The following SYNPO variants were observed in gnomAD, a reference collection of about 807,000 sequenced individuals.
SYNPO encodes the protein synaptopodin.
SYNPO carries 19 observed loss-of-function variants against 49.5 expected under a neutral mutation model. The ratio of observed to expected loss-of-function variants is 0.38; its 90% confidence interval spans 0.27 to 0.56. SYNPO has a LOEUF of 0.56. Among genes scored for constraint, SYNPO ranks in the 20% least tolerant of loss-of-function variants. The pLI, the probability that SYNPO is intolerant of heterozygous loss-of-function variation, is 0.68. For missense variants in SYNPO, 1,131 were observed against 1,248.3 expected, an observed-to-expected ratio of 0.91 and a Z score of 1.42; for synonymous variants, 536 against 548.0, an observed-to-expected ratio of 0.98 and a Z score of 0.31.
At chr5:150,655,913 A>G (rs892229463) in intron 2 of SYNPO, among the ~76,000 whole-genome samples, 1 of 152,154 alleles carries the variant, frequency 6.6e-6, no homozygotes, top group Non-Finnish European at 1.5e-5. Flanking sequence ...GGCCTCCCAA[A>G]GTGCTGGGAC....
intron 1 of SYNPO, chr5:150,615,319 C>G (rs1009065446): frequency 6.6e-6 from 1 of 152,340 alleles, no homozygotes; most frequent in South Asian, 2.1e-4. Flanking sequence ...TTAACTTTTC[C>G]GCCTCTCTCT....
chr5:150,635,766 A>G (rs1246907246), upstream of SYNPO, among the ~76,000 whole-genome samples: 1 of 152,182 alleles, frequency 6.6e-6, no homozygotes, highest in Non-Finnish European at 1.5e-5. Context: ...CCCAGCCCAC[A>G]CTTTTCTTAT....
At position 150,650,170 on chromosome 5, in the gene SYNPO, T is replaced by C. The variant is rs1386456787; in HGVS notation, c.1895T>C (p.Leu632Pro). The C allele has an allele frequency of 1.9e-6, 3 of 1,613,898 alleles. No individual in the cohort carries two copies. Among genetic ancestry groups the C allele is most frequent in the Non-Finnish European group, 2.5e-6 (3 of 1,179,974 alleles). ...TACACCTCCCCCGGCCAGGACAGCCTGCAGCCCACTGCCGTGAGCCCTCCT... is the reference window on the plus strand; with the variant it reads ...TACACCTCCCCCGGCCAGGACAGCCCGCAGCCCACTGCCGTGAGCCCTCCT... ...GLYTSPGQDS[L>P]QPTAVSPPYG... is the part of the protein sequence containing the mutation. The change falls in exon 2 of 3, where the codon CTG becomes CCG. Residue 632 changes from leucine to proline, a missense_variant. Coordinates refer to ENST00000307662, the MANE Select transcript of SYNPO (RefSeq NM_007286.6).
intron 1 of SYNPO, among the ~76,000 whole-genome samples, chr5:150,605,403 TAA>T (rs1413044831): frequency 6.6e-6 from 1 of 151,734 alleles, no homozygotes; most frequent in East Asian, 1.9e-4. Context: ...GAAGGATATT[TAA>T]AGAGATGAGG....
chr5:150,640,917 GC>G, intron 1 of SYNPO, 63 bp downstream of exon 1: 1 of 849,194 alleles, frequency 1.2e-6, no homozygotes, highest in Non-Finnish European at 1.4e-6. Context: ...AGGGCATGTG[GC>G]ATCCCCCCTC....
chr5:150,647,225 A>G (rs1758132582), intron 1 of SYNPO, among the ~76,000 whole-genome samples: 1 of 151,306 alleles, frequency 6.6e-6, no homozygotes. Context: ...CCTGGGCGAC[A>G]AGAGCAAAAA....
At chr5:150,609,540 C>T (rs1216611385) in intron 1 of SYNPO, among the ~76,000 whole-genome samples, 18 of 152,166 alleles carry the variant, frequency 1.2e-4, no homozygotes, top group Admixed American at 1.1e-3. Flanking sequence ...GGTGATCTGC[C>T]CACCTCGCCC....
the SYNPO span, among the ~76,000 whole-genome samples, chr5:150,593,304 C>T: frequency 2.0e-5 from 3 of 152,174 alleles, no homozygotes; most frequent in Non-Finnish European, 4.4e-5. Flanking sequence ...CCTTTCTGAG[C>T]TTTTGGATGC....
At chr5:150,651,082 G>T in intron 2 of SYNPO, 1 of 1,138,102 alleles carries the variant, frequency 8.8e-7, no homozygotes, top group Non-Finnish European at 1.1e-6. Context: ...TGCTGTCACC[G>T]CTCTAGGGGT....
intron 2 of SYNPO, chr5:150,651,277 G>A (rs913459940): frequency 1.0e-6 from 1 of 1,001,392 alleles, no homozygotes; most frequent in Non-Finnish European, 1.2e-6. Context: ...CCCAGGGGGA[G>A]GCAGGAGAGG....
chr5:150,624,373 T>C (rs1167056330), intron 2 of SYNPO, among the ~76,000 whole-genome samples: 2 of 151,474 alleles, frequency 1.3e-5, no homozygotes, highest in African/African-American at 4.9e-5. Context: ...GATTTCAAAG[T>C]GGGTAGTGGG....
chr5:150,641,140 A>C (rs557638993), intron 1 of SYNPO, among the ~76,000 whole-genome samples: 2 of 152,308 alleles, frequency 1.3e-5, no homozygotes, highest in South Asian at 4.1e-4. Context: ...TGCGCTCGCC[A>C]TGACTCTGGG....
rs1581462521 is a variant in SYNPO at position 150,617,133 on chromosome 5, C to G, written c.-265-970C>G. On this transcript the variant is annotated intron_variant, in intron 1 of 2. Coordinates refer to the SYNPO transcript ENST00000394243. ...TGCGTGCATTTTTTCATGTAATCCT[C>G]AATGCAATGCGAAGTTAGAAATATT... Among the ~76,000 whole-genome samples, 3 of 152,254 alleles carry G rather than the reference C, an allele frequency of 2.0e-5. No individual in the cohort carries two copies. In the East Asian group the frequency reaches 5.8e-4, roughly 29 times the overall value.
At position 150,615,607 on chromosome 5, in the gene SYNPO, G is replaced by A. The variant is rs116335521; in HGVS notation, c.-265-2496G>A. ...CTCCGGGAATCTGACTACAGAGTGC[G>A]AAAAGCACCTGCCCCAGTTCACAGT... is the stretch of plus-strand genomic sequence containing the variant. On this transcript the variant is annotated intron_variant, in intron 1 of 2. Coordinates refer to the SYNPO transcript ENST00000394243. 5.3e-3 allele frequency among the ~76,000 whole-genome samples: 813 copies of A among 152,358 alleles called. 4 individuals carry two copies. Among genetic ancestry groups the A allele is most frequent in the Non-Finnish European group, 8.1e-3 (554 of 68,038 alleles).
At chr5:150,647,186 T>C (rs1439818236) in intron 1 of SYNPO, among the ~76,000 whole-genome samples, 3 of 149,432 alleles carry the variant, frequency 2.0e-5, no homozygotes, top group African/African-American at 7.5e-5. Flanking sequence ...GAGGTTGCAG[T>C]GAGCCGAGAT....
exon 2 of SYNPO, chr5:150,618,355 G>C: frequency 1.3e-6 from 2 of 1,536,272 alleles, no homozygotes; most frequent in South Asian, 2.4e-5. Flanking sequence ...CATCGCTGAG[G>C]AAGAACAGCA....
upstream of SYNPO, among the ~76,000 whole-genome samples, chr5:150,600,090 T>C (rs59801194): frequency 0.034 from 5,204 of 152,284 alleles, 297 homozygotes; most frequent in African/African-American, 0.12. Context: ...CTGCGTGACT[T>C]TGGCCAAACC....
chr5:150,616,084 G>A (rs756617530), intron 1 of SYNPO, among the ~76,000 whole-genome samples: 2 of 152,142 alleles, frequency 1.3e-5, no homozygotes, highest in Admixed American at 1.3e-4. Flanking sequence ...TTTCTGATCC[G>A]GATGGTTGTT....
At chr5:150,600,845 T>C (rs1308819286), upstream of SYNPO, among the ~76,000 whole-genome samples, 1 of 152,104 alleles carries the variant, frequency 6.6e-6, no homozygotes, top group Admixed American at 6.5e-5. Flanking sequence ...CAGAAGTCAG[T>C]ACTCTGATGT....
Sources: allele counts gnomAD v4.1 joint callset (sites outside exome capture counted in the v4.1 genomes callset), GRCh38; gene constraint gnomAD v4.1.1; transcripts MANE v1.5; gene names NCBI Gene and HGNC (gene_info 2026-07-23, HGNC 2026-07-21).